Variants in PPARGC1A observed in about 807,000 individuals in gnomAD.
The protein encoded by PPARGC1A is PPARG coactivator 1 alpha.
A neutral mutation model predicts 88.7 loss-of-function variants in PPARGC1A; 25 were observed. The ratio of observed to expected loss-of-function variants is 0.28; its 90% CI spans 0.21 to 0.39. The LOEUF (loss-of-function observed/expected upper bound fraction) is 0.39, where lower values mean the gene tolerates loss of function less well. Among genes scored for constraint, PPARGC1A ranks in the 10% least tolerant of loss-of-function variants. The pLI, the probability that PPARGC1A is intolerant of heterozygous loss-of-function variation, is 1.00. For missense variants in PPARGC1A, 880 were observed against 968.7 expected (o/e 0.91, Z 1.22); for synonymous variants, 363 against 355.6 (o/e 1.02, Z -0.24).
At chr4:24,167,539 T>TC in the PPARGC1A span, among the ~76,000 whole-genome samples, 1 of 152,172 alleles carries the variant, frequency 6.6e-6, no homozygotes, top group Non-Finnish European at 1.5e-5. Context: ...TACAGAGAAC[T>TC]CCTTGGTGAA....
At chr4:24,267,782 A>C in the PPARGC1A span, among the ~76,000 whole-genome samples, 3 of 152,234 alleles carry the variant, frequency 2.0e-5, no homozygotes, top group African/African-American at 7.2e-5. Flanking sequence ...ACCAAGAAGC[A>C]TAATTCTACT....
chr4:23,974,031 AAG>A, the PPARGC1A span, among the ~76,000 whole-genome samples: 1 of 152,164 alleles, frequency 6.6e-6, no homozygotes, highest in Non-Finnish European at 1.5e-5. Flanking sequence ...TTGGAGATCA[AAG>A]AGAGGGACTT....
the PPARGC1A span, among the ~76,000 whole-genome samples, chr4:24,470,601 G>A: frequency 6.6e-6 from 1 of 151,984 alleles, no homozygotes; most frequent in Admixed American, 6.5e-5. This position sits in a 1 kb window ranked among gnomAD's most constrained non-coding sequence, Gnocchi z 5.8. Flanking sequence ...TACTCGCAGC[G>A]AGGCCTCGTG....
chr4:24,044,244 C>T, the PPARGC1A span, among the ~76,000 whole-genome samples: 19 of 152,280 alleles, frequency 1.2e-4, no homozygotes, highest in South Asian at 3.7e-3. Context: ...TGAGCATTCA[C>T]TTACATAAAA....
At chr4:24,252,692 C>T in the PPARGC1A span, among the ~76,000 whole-genome samples, 65 of 152,194 alleles carry the variant, frequency 4.3e-4, no homozygotes, top group Admixed American at 1.4e-3. Flanking sequence ...ATCTCCACCC[C>T]CTGTGATGGC....
At chr4:24,022,126 A>G in the PPARGC1A span, among the ~76,000 whole-genome samples, 1 of 152,092 alleles carries the variant, frequency 6.6e-6, no homozygotes, top group Non-Finnish European at 1.5e-5. Flanking sequence ...CTACAGGTGG[A>G]TGGATGAGCA....
At chr4:24,167,819 C>T in the PPARGC1A span, among the ~76,000 whole-genome samples, 1 of 152,076 alleles carries the variant, frequency 6.6e-6, no homozygotes, top group Non-Finnish European at 1.5e-5. Context: ...AGTGGTACAA[C>T]CTCAGCTCAC....
chr4:24,349,730 C>T, the PPARGC1A span, among the ~76,000 whole-genome samples: 2 of 152,184 alleles, frequency 1.3e-5, no homozygotes, highest in Non-Finnish European at 2.9e-5. Flanking sequence ...TATCTGCCTC[C>T]CAACTGCGAG....
At chr4:23,875,333 T>A (rs1158846896) in intron 2 of PPARGC1A, among the ~76,000 whole-genome samples, 1 of 152,104 alleles carries the variant, frequency 6.6e-6, no homozygotes, top group East Asian at 1.9e-4. Flanking sequence ...TTTTTTGAGA[T>A]CCAGCACAGA....
chr4:24,208,008 G>A, the PPARGC1A span, among the ~76,000 whole-genome samples: 1 of 152,176 alleles, frequency 6.6e-6, no homozygotes, highest in African/African-American at 2.4e-5. Context: ...GCTGGGTGCA[G>A]TGACTCACAC....
chr4:24,148,836 A>T, the PPARGC1A span, among the ~76,000 whole-genome samples: 1 of 152,340 alleles, frequency 6.6e-6, no homozygotes, highest in African/African-American at 2.4e-5. Flanking sequence ...CAGATGAAAA[A>T]TACGTCTTCT....
At chr4:23,950,844 CACTT>C in the PPARGC1A span, among the ~76,000 whole-genome samples, 1 of 152,062 alleles carries the variant, frequency 6.6e-6, no homozygotes, top group South Asian at 2.1e-4. Context: ...ATGAAGCAGA[CACTT>C]ACTGGTCTAA....
the PPARGC1A span, among the ~76,000 whole-genome samples, chr4:24,264,524 C>CA: frequency 6.6e-6 from 1 of 152,258 alleles, no homozygotes; most frequent in African/African-American, 2.4e-5. Flanking sequence ...CATGATCCTA[C>CA]ACTCGACTCT....
chr4:23,891,737 T>A (rs1717872041), upstream of PPARGC1A, among the ~76,000 whole-genome samples: 4 of 152,204 alleles, frequency 2.6e-5, no homozygotes, highest in South Asian at 8.3e-4. Flanking sequence ...CAGCACATTT[T>A]CCCTTTTATA....
At chr4:23,909,259 C>T in the PPARGC1A span, among the ~76,000 whole-genome samples, 2 of 152,214 alleles carry the variant, frequency 1.3e-5, no homozygotes, top group South Asian at 4.1e-4. Flanking sequence ...CAGTAAAGTC[C>T]TAATATTTGT....
the PPARGC1A span, among the ~76,000 whole-genome samples, chr4:24,189,458 G>A: frequency 6.6e-6 from 1 of 152,058 alleles, no homozygotes; most frequent in Admixed American, 6.6e-5. Context: ...TGAGAAAGCT[G>A]TAAGTGCTGT....
the PPARGC1A span, among the ~76,000 whole-genome samples, chr4:24,095,918 A>G: frequency 6.6e-6 from 1 of 152,156 alleles, no homozygotes; most frequent in Non-Finnish European, 1.5e-5. Flanking sequence ...CACCTCTTAA[A>G]GGCCTCACCT....
chr4:24,186,167 G>A, the PPARGC1A span, among the ~76,000 whole-genome samples: 10 of 151,998 alleles, frequency 6.6e-5, no homozygotes, highest in Admixed American at 2.0e-4. Context: ...CAGAGAGGGT[G>A]GGCAAAAGAA....
At chr4:23,957,190 T>A in the PPARGC1A span, among the ~76,000 whole-genome samples, 1 of 152,202 alleles carries the variant, frequency 6.6e-6, no homozygotes, top group South Asian at 2.1e-4. Context: ...TCATTAGTCA[T>A]CAGATGCCTC....
Sources: gnomAD v4.1 joint callset for allele counts (sites outside exome capture counted in the v4.1 genomes callset) on GRCh38, gnomAD v4.1.1 for gene constraint, Gnocchi (gnomAD v3.1) non-coding constraint, MANE v1.5 for transcripts, NCBI Gene and HGNC (gene_info 2026-07-23, HGNC 2026-07-21) for gene names.